Variants in SLC35D3 observed in about 807,000 individuals in gnomAD.
SLC35D3 encodes the protein solute carrier family 35 member D3.
In SLC35D3, 18 loss-of-function variants were observed where a neutral mutation model predicts 20.3. The observed-to-expected ratio is 0.89, with a 90% CI of 0.61 to 1.32. The LOEUF (loss-of-function observed/expected upper bound fraction) is 1.32. SLC35D3 is among the 40% of genes most tolerant of loss of function. The probability of loss-of-function intolerance (pLI) is 0.00; values close to 1 mark genes in which losing one functional copy is unlikely to be tolerated. For synonymous variants in SLC35D3, 313 were observed against 263.5 expected, an observed-to-expected ratio of 1.19 and a Z score of -1.82; for missense variants, 556 against 565.5, an observed-to-expected ratio of 0.98 and a Z score of 0.17.
In SLC35D3 at chr6:136,922,984, G is replaced by A; in HGVS notation, c.439+117G>A. 1 of 1,126,636 alleles carries A rather than the reference G, an allele frequency of 8.9e-7. No homozygotes were observed. The highest frequency in any genetic ancestry group is 1.2e-6 in the Non-Finnish European group (1 of 821,242). The allele number at this position is 1,126,636 out of a possible 1,614,324, so 69.8% of individuals were successfully genotyped here. ...ACTTCCAGATGGGGAGACTGAGGCA[G>A]AGAGAGCCGGAGAGCTTTGAGAGTG... On this transcript the variant is annotated intron_variant, in intron 1 of 1. Transcript: ENST00000331858. This position sits in a 1 kb window ranked among gnomAD's most constrained non-coding sequence, Gnocchi z 6.8.
rs955055099 is a variant in SLC35D3, at chr6:136,924,783, A to G, written c.*87A>G. The G allele has an allele frequency of 6.9e-6, 9 of 1,298,480 alleles. No homozygotes were observed. The South Asian group carries it at 1.4e-4, about 20-fold the overall frequency. The allele number at this position is 1,298,480 out of a possible 1,614,324, so 80.4% of individuals were successfully genotyped here. A position where few individuals can be genotyped will look rare whatever the true frequency, so the allele number is the denominator to read the frequency against. ...TTTTAATGAGAGGCCTCCCCGTTTT[A>G]TTCTTTGAGGAGTGGGGAAGGGAAG... On this transcript the variant is annotated 3_prime_UTR_variant, in exon 2 of 2. Coordinates refer to ENST00000331858, the MANE Select transcript of SLC35D3 (RefSeq NM_001008783.3).
chr6:136,924,431 A>G lies in SLC35D3; in HGVS notation c.986A>G (p.Gln329Arg), dbSNP rs955002987. 6.2e-7 allele frequency: 1 copy of G among 1,613,822 alleles called. No individual in the cohort carries two copies. Among genetic ancestry groups the G allele is most frequent in the African/African-American group, 1.3e-5 (1 of 74,942 alleles). The stretch of plus-strand genomic sequence containing the variant: ...GAGGAGGCGCAGCTAAGTGGAGACC[A>G]GCTGCCGTTCGTGATGGAGGAGCTG... ...RGEEAQLSGD[Q>R]LPFVMEELPG... is the part of the protein sequence containing the mutation. The change falls in exon 2 of 2, where the codon CAG becomes CGG. Residue 329 changes from glutamine (Q) to arginine (R), a missense_variant. Coordinates refer to ENST00000331858, the MANE Select transcript of SLC35D3 (RefSeq NM_001008783.3).
chr6:136,924,600 A>C lies in SLC35D3; in HGVS notation c.1155A>C (p.Leu385Phe), dbSNP rs1381347553. ...CTGAAGAAGGGAGCAGGAGGTCGTT[A>C]AAAGATGCTTACCTCGAGGTATGGA... ...GSSEEGSRRSLKDAYLEVWRL... is the reference protein window; with the variant it reads ...GSSEEGSRRSFKDAYLEVWRL... The change falls in exon 2 of 2, where the codon TTA becomes TTC. Residue 385 changes from leucine (L) to phenylalanine (F), a missense_variant. By Grantham distance (22) the Leu-to-Phe change is conservative. Transcript: ENST00000331858. The C allele has an allele frequency of 6.2e-7, 1 of 1,614,016 alleles. No individual in the cohort carries two copies.
At position 136,922,902 on chromosome 6, in the gene SLC35D3, C is replaced by A. The variant is rs1344763496; in HGVS notation, c.439+35C>A. The A allele has an allele frequency of 1.3e-6, 2 of 1,488,638 alleles. No homozygotes were observed. The highest frequency in any genetic ancestry group is 4.5e-5 in the Admixed American group (2 of 44,792). The allele number at this position is 1,488,638 out of a possible 1,614,324, so 92.2% of individuals were successfully genotyped here. A position where few individuals can be genotyped will look rare whatever the true frequency, so the allele number is the denominator to read the frequency against. On this transcript the variant is annotated intron_variant, in intron 1 of 1. Transcript: ENST00000331858. This position sits in a 1 kb window ranked among gnomAD's most constrained non-coding sequence, Gnocchi z 6.8. ...CCCCCGCGCCGACCCCCAGCCGACCCCACCCACCCCGCTCCGTCGGGCAGA... is the reference window on the plus strand; with the variant it reads ...CCCCCGCGCCGACCCCCAGCCGACCACACCCACCCCGCTCCGTCGGGCAGA...
In SLC35D3 at chr6:136,922,707, C is replaced by T. The variant is rs780120358; in HGVS notation, c.279C>T (p.Leu93=). Residue 93 remains leucine, a synonymous_variant, in exon 1 of 2, where the codon CTC becomes CTT. Transcript: ENST00000331858. The surrounding 1 kb of genome is among the most constrained non-coding windows in gnomAD (Gnocchi z 6.8). The part of the protein sequence containing the change: ...VLSTLQSSLT[L]WSLRGLSLPM... ...CCACGCTGCAGTCCAGCCTCACGCT[C>T]TGGTCCCTGCGCGGCCTCAGCCTGC... 2 of 1,592,602 alleles carry T rather than the reference C, an allele frequency of 1.3e-6. No homozygotes were observed. The highest frequency in any genetic ancestry group is 1.7e-6 in the Non-Finnish European group (2 of 1,170,532).
In SLC35D3 at chr6:136,924,501, A is replaced by C. The variant is rs778777351; in HGVS notation, c.1056A>C (p.Ala352=). 5 of 1,613,452 alleles carry C rather than the reference A, an allele frequency of 3.1e-6. No individual in the cohort carries two copies. The South Asian group carries it at 4.4e-5, about 14-fold the overall frequency. ...GCCGGTCAGAAGGTGGGGAGGCAGC[A>C]GGTGGCCCCGCTCAGGAGAGCAGGC... ...GNGRSEGGEA[A]GGPAQESRQE... The change falls in exon 2 of 2, where the codon GCA becomes GCC. Residue 352 remains alanine (A), a synonymous_variant. Transcript: ENST00000331858.
chr6:136,922,535 A>G lies in SLC35D3; in HGVS notation c.107A>G (p.Tyr36Cys), dbSNP rs781681081. The change falls in exon 1 of 2, where the codon TAC (tyrosine) becomes TGC (cysteine). Residue 36 changes from tyrosine to cysteine, a missense_variant. Transcript: ENST00000331858. This position sits in a 1 kb window ranked among gnomAD's most constrained non-coding sequence, Gnocchi z 6.8. Reference sequence around the variant, plus strand: ...TTGCTCAAGTTCCTCATCAGCCGCTACCAGTTCTCCTTCCTGACCCTGGTG... The same window carrying G: ...TTGCTCAAGTTCCTCATCAGCCGCTGCCAGTTCTCCTTCCTGACCCTGGTG... Reference protein sequence around the residue: ...NILLKFLISRYQFSFLTLVQC... With the variant: ...NILLKFLISRCQFSFLTLVQC... 1 of 1,612,266 alleles carries G rather than the reference A, an allele frequency of 6.2e-7. No homozygotes were observed. The highest frequency in any genetic ancestry group is 1.1e-5 in the South Asian group (1 of 91,026).
chr6:136,923,925 G>T lies in SLC35D3; in HGVS notation c.480G>T (p.Thr160=), dbSNP rs766635866. ...CGGGCGACCCCATCGGGTACGTCAC[G>T]GGAGTGCTGGCGGTGCTGGTGCACG... ...DLTGDPIGYV[T]GVLAVLVHAA... Residue 160 remains threonine, a synonymous_variant, in exon 2 of 2, where the codon ACG becomes ACT. Coordinates refer to ENST00000331858, the MANE Select transcript of SLC35D3 (RefSeq NM_001008783.3). The surrounding 1 kb of genome is among the most constrained non-coding windows in gnomAD (Gnocchi z 6.2). 4 of 1,541,552 alleles carry T rather than the reference G, an allele frequency of 2.6e-6. No individual in the cohort carries two copies. The East Asian group carries it at 9.7e-5, about 37-fold the overall frequency.
chr6:136,923,764 C>A lies in SLC35D3; in HGVS notation c.440-121C>A. 1 of 976,868 alleles carries A rather than the reference C, an allele frequency of 1.0e-6. No individual in the cohort carries two copies. The highest frequency in any genetic ancestry group is 1.5e-6 in the Non-Finnish European group (1 of 681,924). The allele number at this position is 976,868 out of a possible 1,614,324, so 60.5% of individuals were successfully genotyped here. On this transcript the variant is annotated intron_variant, in intron 1 of 1. Transcript: ENST00000331858. The surrounding 1 kb of genome is among the most constrained non-coding windows in gnomAD (Gnocchi z 6.2). Reference sequence around the variant, plus strand: ...GAATCCGGTGGGCAGAGCTGGGGCGCGAACCCAGTCTCCTTTCCTACCCGA... The same window carrying A: ...GAATCCGGTGGGCAGAGCTGGGGCGAGAACCCAGTCTCCTTTCCTACCCGA...
Position 136,924,217 on chromosome 6 carries a change from G to T in SLC35D3, c.772G>T (p.Val258Leu). 6.2e-7 allele frequency: 1 copy of T among 1,613,914 alleles called. No individual in the cohort carries two copies. The highest frequency in any genetic ancestry group is 1.7e-5 in the Admixed American group (1 of 60,032). Reference protein sequence around the residue: ...YINSAVTTSFVGVVKSIATIT... With the variant: ...YINSAVTTSFLGVVKSIATIT... The stretch of plus-strand genomic sequence containing the variant: ...CAATTCGGCCGTGACCACCAGCTTC[G>T]TGGGTGTGGTGAAGAGCATCGCCAC... Residue 258 changes from valine to leucine, a missense_variant, in exon 2 of 2, where the codon GTG becomes TTG. Coordinates refer to ENST00000331858, the MANE Select transcript of SLC35D3 (RefSeq NM_001008783.3).
In SLC35D3 at chr6:136,924,349, T is replaced by C; in HGVS notation, c.904T>C (p.Phe302Leu). The C allele has an allele frequency of 6.2e-7, 1 of 1,614,072 alleles. No individual in the cohort carries two copies. The highest frequency in any genetic ancestry group is 1.1e-5 in the South Asian group (1 of 91,082). ...LGSIIYCVAK[F>L]METRKQSNYE... ...CTCTATCATTTACTGTGTGGCCAAGTTCATGGAGACCAGAAAGCAAAGCAA... is the reference window on the plus strand; with the variant it reads ...CTCTATCATTTACTGTGTGGCCAAGCTCATGGAGACCAGAAAGCAAAGCAA... The change falls in exon 2 of 2, where the codon TTC becomes CTC. Residue 302 changes from phenylalanine (F) to leucine (L), a missense_variant. Transcript: ENST00000331858.
In SLC35D3 at chr6:136,925,349, T is replaced by C. The variant is rs1337255220; in HGVS notation, c.*653T>C. The stretch of plus-strand genomic sequence containing the variant: ...CATGAAGTCTGAAGTTTGCTTTCAG[T>C]AATTATTTTAAAAGTTGTTTTGGTT... On this transcript the variant is annotated 3_prime_UTR_variant, in exon 2 of 2. Coordinates refer to ENST00000331858, the MANE Select transcript of SLC35D3 (RefSeq NM_001008783.3). 1 of 152,660 alleles carries C rather than the reference T, an allele frequency of 6.6e-6. No individual in the cohort carries two copies. The highest frequency in any genetic ancestry group is 1.5e-5 in the Non-Finnish European group (1 of 68,040). 9.5% of individuals were successfully genotyped at this position (152,660 alleles called of 1,614,324 possible).
chr6:136,922,381 C>T lies in SLC35D3; in HGVS notation c.-48C>T, dbSNP rs1335142367. On this transcript the variant is annotated 5_prime_UTR_variant, in exon 1 of 2. Coordinates refer to ENST00000331858, the MANE Select transcript of SLC35D3 (RefSeq NM_001008783.3). The surrounding 1 kb of genome is among the most constrained non-coding windows in gnomAD (Gnocchi z 6.8). ...ACTCCGCTGCTCCCGGCTCCTCGCG[C>T]GCAGGTCGCGGAGCTCCGCCACCGC... The T allele has an allele frequency of 2.9e-6, 4 of 1,382,440 alleles. No homozygotes were observed. Among genetic ancestry groups the T allele is most frequent in the African/African-American group, 1.5e-5 (1 of 65,292 alleles). The allele number at this position is 1,382,440 out of a possible 1,614,324, so 85.6% of individuals were successfully genotyped here. A position where few individuals can be genotyped will look rare whatever the true frequency, so the allele number is the denominator to read the frequency against.
chr6:136,925,234 T>G lies in SLC35D3; in HGVS notation c.*538T>G, dbSNP rs908005512. ...CATATTTACTCTGATTCTACTCACT[T>G]GTTTTTTAAAAATAAGTGTCCTATT... is the stretch of plus-strand genomic sequence containing the variant. On this transcript the variant is annotated 3_prime_UTR_variant, in exon 2 of 2. Transcript: ENST00000331858. 3.9e-5 allele frequency: 6 copies of G among 152,868 alleles called. No individual in the cohort carries two copies. Among genetic ancestry groups the G allele is most frequent in the Admixed American group, 3.9e-4 (6 of 15,310 alleles). 9.5% of individuals were successfully genotyped at this position (152,868 alleles called of 1,614,324 possible).
chr6:136,922,581 C>T lies in SLC35D3; in HGVS notation c.153C>T (p.Thr51=), dbSNP rs770988372. ...LTLVQCLTSS[T]AALSLELLRR... is the part of the protein sequence containing the mutation. ...TGGTGCAGTGCCTGACCAGCTCCAC[C>T]GCGGCGCTGAGCCTGGAGCTGCTGC... is the stretch of plus-strand genomic sequence containing the variant. The change falls in exon 1 of 2, where the codon ACC becomes ACT. Residue 51 remains threonine, a synonymous_variant. Transcript: ENST00000331858. The surrounding 1 kb of genome is among the most constrained non-coding windows in gnomAD (Gnocchi z 6.8). 5.1e-5 allele frequency: 83 copies of T among 1,612,456 alleles called. No individual in the cohort carries two copies. Among genetic ancestry groups the T allele is most frequent in the Non-Finnish European group, 6.7e-5 (79 of 1,179,736 alleles).
At position 136,924,254 on chromosome 6, in the gene SLC35D3, G is replaced by T; in HGVS notation, c.809G>T (p.Gly270Val). The stretch of plus-strand genomic sequence containing the variant: ...AAGAGCATCGCCACCATCACGGTGG[G>T]CATGGTGGCCTTCAGCGACGTGGAG... ...VVKSIATITV[G>V]MVAFSDVEPT... Residue 270 changes from glycine (G) to valine (V), a missense_variant, in exon 2 of 2, where the codon GGC becomes GTC. Transcript: ENST00000331858. 1 of 1,614,084 alleles carries T rather than the reference G, an allele frequency of 6.2e-7. No individual in the cohort carries two copies. Among genetic ancestry groups the T allele is most frequent in the Non-Finnish European group, 8.5e-7 (1 of 1,180,040 alleles).
In SLC35D3 at chr6:136,922,970, G is replaced by A. The variant is rs1050300430; in HGVS notation, c.439+103G>A. ...AGTTCAACGACCTCACTTCCAGATG[G>A]GGAGACTGAGGCAGAGAGAGCCGGA... On this transcript the variant is annotated intron_variant, in intron 1 of 1. Transcript: ENST00000331858. The surrounding 1 kb of genome is among the most constrained non-coding windows in gnomAD (Gnocchi z 6.8). 23 of 1,229,608 alleles carry A rather than the reference G, an allele frequency of 1.9e-5. No homozygotes were observed. The South Asian group carries it at 3.5e-4, about 19-fold the overall frequency. 76.2% of individuals were successfully genotyped at this position (1,229,608 alleles called of 1,614,324 possible). A position where few individuals can be genotyped will look rare whatever the true frequency, so the allele number is the denominator to read the frequency against.
Position 136,924,221 on chromosome 6 carries a change from G to C in SLC35D3, c.776G>C (p.Gly259Ala). 6.2e-7 allele frequency: 1 copy of C among 1,613,998 alleles called. No homozygotes were observed. The highest frequency in any genetic ancestry group is 8.5e-7 in the Non-Finnish European group (1 of 1,180,044). ...TCGGCCGTGACCACCAGCTTCGTGG[G>C]TGTGGTGAAGAGCATCGCCACCATC... is the stretch of plus-strand genomic sequence containing the variant. The part of the protein sequence containing the change: ...INSAVTTSFV[G>A]VVKSIATITV... The change falls in exon 2 of 2, where the codon GGT (glycine) becomes GCT (alanine). Residue 259 changes from glycine to alanine, a missense_variant. Gly to Ala is a moderately conservative substitution (Grantham distance 60). Transcript: ENST00000331858.
In SLC35D3 at chr6:136,924,713, C is replaced by A; in HGVS notation, c.*17C>A. The A allele has an allele frequency of 6.3e-7, 1 of 1,586,420 alleles. No homozygotes were observed. The highest frequency in any genetic ancestry group is 8.6e-7 in the Non-Finnish European group (1 of 1,163,818). On this transcript the variant is annotated 3_prime_UTR_variant, in exon 2 of 2. Transcript: ENST00000331858. ...AGTCCTTGAGAAGGAGGTGCATGTA[C>A]GTACCTATGTGCATACACTTATTTT...
Sources: allele counts gnomAD v4.1 joint callset, GRCh38; gene constraint gnomAD v4.1.1; non-coding constraint Gnocchi (gnomAD v3.1); transcripts MANE v1.5; gene names NCBI Gene and HGNC (gene_info 2026-07-23, HGNC 2026-07-21).